Variants in LYPLAL1 observed in about 807,000 individuals in gnomAD.
LYPLAL1 encodes the protein lysophospholipase-like protein 1.
LYPLAL1 carries 23 observed loss-of-function variants against 19.7 expected under a neutral mutation model. The observed-to-expected ratio is 1.17, with a 90% CI of 0.84 to 1.65. The LOEUF is 1.65. Among genes scored for constraint, LYPLAL1 ranks in the 40% most tolerant of loss-of-function variants. The pLI is 0.00. For missense variants in LYPLAL1, 355 were observed against 279.4 expected, an observed-to-expected ratio of 1.27 and a Z score of -1.93; for synonymous variants, 119 against 96.3, an observed-to-expected ratio of 1.24 and a Z score of -1.38.
At chr1:219,184,093 C>T (rs947923960) in intron 2 of LYPLAL1, among the ~76,000 whole-genome samples, 3 of 151,820 alleles carry the variant, frequency 2.0e-5, no homozygotes, top group African/African-American at 7.2e-5. Flanking sequence ...TTTTACAAAA[C>T]ACCTGTTTGG....
chr1:219,333,739 G>A, the LYPLAL1 span, among the ~76,000 whole-genome samples: 4 of 151,978 alleles, frequency 2.6e-5, no homozygotes, highest in African/African-American at 7.2e-5. Flanking sequence ...CCTTCAGCTC[G>A]TTCTCAGGTC....
intron 2 of LYPLAL1, among the ~76,000 whole-genome samples, chr1:219,191,599 A>T (rs1362132434): frequency 1.3e-5 from 2 of 151,610 alleles, no homozygotes; most frequent in African/African-American, 4.8e-5. Flanking sequence ...ACATTGAAGG[A>T]TATATTTCAG....
chr1:219,174,791 T>C (rs1280526196), intron 1 of LYPLAL1: 8 of 613,150 alleles, frequency 1.3e-5, no homozygotes, highest in Non-Finnish European at 4.1e-6. Flanking sequence ...AGGAAATGTT[T>C]TTTAAAGAAA....
chr1:219,274,772 G>A, the LYPLAL1 span, among the ~76,000 whole-genome samples: 1 of 152,166 alleles, frequency 6.6e-6, no homozygotes, highest in Non-Finnish European at 1.5e-5. Flanking sequence ...TAAGGATTCA[G>A]TCTCTGAAAG....
chr1:219,312,759 G>A, the LYPLAL1 span, among the ~76,000 whole-genome samples: 1 of 152,158 alleles, frequency 6.6e-6, no homozygotes, highest in South Asian at 2.1e-4. Flanking sequence ...GTGGTATTGG[G>A]CTGAATTTGT....
the LYPLAL1 span, among the ~76,000 whole-genome samples, chr1:219,217,924 C>G: frequency 6.6e-6 from 1 of 151,874 alleles, no homozygotes; most frequent in South Asian, 2.1e-4. Flanking sequence ...GTTGGGGGAA[C>G]TGGAATTTTG....
At chr1:219,357,938 G>A in the LYPLAL1 span, among the ~76,000 whole-genome samples, 2 of 152,172 alleles carry the variant, frequency 1.3e-5, no homozygotes, top group Admixed American at 1.3e-4. Context: ...AGTCTGCAAA[G>A]GCTACATATT....
the LYPLAL1 span, among the ~76,000 whole-genome samples, chr1:219,345,009 T>G: frequency 1.3e-5 from 2 of 152,186 alleles, no homozygotes; most frequent in Non-Finnish European, 2.9e-5. Flanking sequence ...TCACATATCA[T>G]TTTGTCCTCA....
chr1:219,279,446 A>G, the LYPLAL1 span, among the ~76,000 whole-genome samples: 2 of 152,206 alleles, frequency 1.3e-5, no homozygotes, highest in South Asian at 4.1e-4. Flanking sequence ...AGCTGTAAGG[A>G]CATTGGATGA....
the LYPLAL1 span, among the ~76,000 whole-genome samples, chr1:219,235,213 A>G: frequency 1.3e-5 from 2 of 152,204 alleles, no homozygotes; most frequent in Non-Finnish European, 2.9e-5. Flanking sequence ...TGAGATAACC[A>G]TACTATTAAA....
chr1:219,342,926 T>A, the LYPLAL1 span, among the ~76,000 whole-genome samples: 2 of 152,248 alleles, frequency 1.3e-5, no homozygotes, highest in Non-Finnish European at 2.9e-5. Flanking sequence ...TAGTCCCTTT[T>A]TTCTTATTGA....
the LYPLAL1 span, among the ~76,000 whole-genome samples, chr1:219,370,737 A>G: frequency 6.6e-6 from 1 of 152,204 alleles, no homozygotes; most frequent in African/African-American, 2.4e-5. Context: ...TGCCATAGCT[A>G]TATGGAGTTC....
the LYPLAL1 span, among the ~76,000 whole-genome samples, chr1:219,326,841 A>G: frequency 5.3e-5 from 8 of 152,208 alleles, no homozygotes; most frequent in African/African-American, 1.9e-4. Context: ...TATGGGGAAG[A>G]AAAAGAAGAA....
At chr1:219,199,759 C>T (rs1021035439) in intron 3 of LYPLAL1, among the ~76,000 whole-genome samples, 6 of 152,064 alleles carry the variant, frequency 3.9e-5, no homozygotes, top group South Asian at 4.2e-4. Flanking sequence ...GGACTACAGG[C>T]GCCTGCCACC....
the LYPLAL1 span, among the ~76,000 whole-genome samples, chr1:219,261,605 A>C: frequency 1.3e-5 from 2 of 152,158 alleles, no homozygotes; most frequent in East Asian, 1.9e-4. Flanking sequence ...AAAATACTTT[A>C]TCTCTCCTTC....
the LYPLAL1 span, among the ~76,000 whole-genome samples, chr1:219,237,445 A>G: frequency 1.3e-5 from 2 of 152,252 alleles, no homozygotes; most frequent in African/African-American, 4.8e-5. Flanking sequence ...GATTTTGTCA[A>G]CACATTTTAT....
chr1:219,314,484 G>A, the LYPLAL1 span, among the ~76,000 whole-genome samples: 15 of 151,064 alleles, frequency 9.9e-5, no homozygotes, highest in African/African-American at 1.7e-4. Flanking sequence ...TCGCTCTGTC[G>A]CCCAGGCTGG....
the LYPLAL1 span, among the ~76,000 whole-genome samples, chr1:219,366,728 A>G: frequency 6.6e-6 from 1 of 152,162 alleles, no homozygotes; most frequent in Non-Finnish European, 1.5e-5. Flanking sequence ...TACCACAGAG[A>G]GAGCACAGGG....
chr1:219,204,849 T>A (rs1658423661), intron 3 of LYPLAL1, among the ~76,000 whole-genome samples: 1 of 152,148 alleles, frequency 6.6e-6, no homozygotes, highest in Admixed American at 6.5e-5. Flanking sequence ...AGAATACTGT[T>A]ATAATTTAGG....
Sources: allele counts gnomAD v4.1 joint callset (sites outside exome capture counted in the v4.1 genomes callset), GRCh38; gene constraint gnomAD v4.1.1; transcripts MANE v1.5; gene names NCBI Gene and HGNC (gene_info 2026-07-23, HGNC 2026-07-21).